KCNE3: variants seen among roughly 807,000 people sequenced by gnomAD.
KCNE3 encodes potassium voltage-gated channel subfamily E regulatory subunit 3, also known as potassium voltage-gated channel subfamily E member 3.
KCNE3 carries 2 observed loss-of-function variants against 4.3 expected under a neutral mutation model. That is an observed-to-expected ratio of 0.47 (90% CI 0.19 to 1.48). The LOEUF is 1.48. Ranked by LOEUF, KCNE3 falls within the 40% of genes most tolerant of loss-of-function variation. KCNE3 has a pLI of 0.25. For synonymous variants in KCNE3, 47 were observed against 52.0 expected (o/e 0.90, Z 0.41); for missense variants, 128 against 136.8 (o/e 0.94, Z 0.32).
chr11:74,459,577 A>G (rs1437422789), intron 2 of KCNE3, among the ~76,000 whole-genome samples: 1 of 152,114 alleles, frequency 6.6e-6, no homozygotes, highest in African/African-American at 2.4e-5. Context: ...ACAGACTTGC[A>G]TCCTTGTCTC....
intron 2 of KCNE3, among the ~76,000 whole-genome samples, chr11:74,461,302 G>T (rs1339155040): frequency 6.6e-6 from 1 of 151,246 alleles, no homozygotes; most frequent in African/African-American, 2.4e-5. Flanking sequence ...TTGTGTGTGT[G>T]TGTGTGTGTG....
chr11:74,466,486 GGTGAA>G (rs1185951161), intron 1 of KCNE3, among the ~76,000 whole-genome samples: 1 of 152,292 alleles, frequency 6.6e-6, no homozygotes, highest in African/African-American at 2.4e-5. Context: ...TGCCTTTGTA[GGTGAA>G]GTGGAGAGAG....
intron 1 of KCNE3, chr11:74,462,360 C>G (rs1199869530): frequency 6.6e-6 from 1 of 152,292 alleles, no homozygotes. Flanking sequence ...AGTGTCTTCA[C>G]TGGGTGACTT....
intron 2 of KCNE3, 38 bp downstream of exon 2, chr11:74,461,917 C>T (rs1863962458): frequency 6.6e-6 from 1 of 152,186 alleles, no homozygotes; most frequent in African/African-American, 2.4e-5. Context: ...TTTTAACTGA[C>T]AGGGAGAGGG....
chr11:74,465,331 A>T (rs903852740), intron 1 of KCNE3, among the ~76,000 whole-genome samples: 1 of 152,188 alleles, frequency 6.6e-6, no homozygotes, highest in African/African-American at 2.4e-5. Flanking sequence ...ATATTTAAAA[A>T]GCAACCTCCA....
intron 2 of KCNE3, among the ~76,000 whole-genome samples, chr11:74,459,786 GTCT>G (rs1565461066): frequency 1.3e-5 from 2 of 151,890 alleles, no homozygotes; most frequent in African/African-American, 4.8e-5. Context: ...GACCACATGC[GTCT>G]GGTCAGCAGG....
At position 74,456,895 on chromosome 11, in the gene KCNE3, T is replaced by C. The variant is rs1001038148; in HGVS notation, c.*357A>G. On this transcript the variant is annotated 3_prime_UTR_variant, in exon 3 of 3. Transcript: ENST00000310128. ...ACATAAAAAATGTGTCCCCAGAGCA[T>C]CTTCCTGTCTCATTTCCCTCTGCTA... The C allele has an allele frequency of 9.3e-6, 3 of 323,008 alleles. No homozygotes were observed. Among genetic ancestry groups the C allele is most frequent in the Admixed American group, 4.5e-5 (1 of 22,396 alleles). 20.0% of individuals were successfully genotyped at this position (323,008 alleles called of 1,614,324 possible). A position where few individuals can be genotyped will look rare whatever the true frequency, so the allele number is the denominator to read the frequency against.
chr11:74,463,893 T>C (rs72552109), intron 1 of KCNE3, among the ~76,000 whole-genome samples: 3 of 152,198 alleles, frequency 2.0e-5, no homozygotes, highest in Non-Finnish European at 4.4e-5. Context: ...GTTAGTGTCA[T>C]GGGGCATCAT....
Sources: allele counts gnomAD v4.1 joint callset (sites outside exome capture counted in the v4.1 genomes callset), GRCh38; gene constraint gnomAD v4.1.1; transcripts MANE v1.5; gene names NCBI Gene and HGNC (gene_info 2026-07-23, HGNC 2026-07-21).